The following CDYL2 variants were observed in gnomAD, a reference collection of about 807,000 sequenced individuals.
CDYL2 encodes the protein chromodomain Y like 2, also known as chromodomain Y-like protein 2.
CDYL2 carries 23 observed loss-of-function variants against 49.4 expected under a neutral mutation model. That is an observed-to-expected ratio of 0.47 (90% CI 0.34 to 0.66). The LOEUF is 0.66. Ranked by LOEUF, CDYL2 falls within the 30% of genes least tolerant of loss-of-function variation. CDYL2 has a pLI of 0.01. For synonymous variants in CDYL2, 360 were observed against 268.8 expected, an observed-to-expected ratio of 1.34 and a Z score of -3.32; for missense variants, 678 against 656.4, an observed-to-expected ratio of 1.03 and a Z score of -0.36.
intron 2 of CDYL2, among the ~76,000 whole-genome samples, chr16:80,674,435 TAA>T: frequency 1.3e-5 from 2 of 152,150 alleles, no homozygotes; most frequent in Non-Finnish European, 2.9e-5. Flanking sequence ...TCCTTTTTTT[TAA>T]AACAAAAACA....
At chr16:80,649,678 A>T (rs1908502379) in intron 2 of CDYL2, among the ~76,000 whole-genome samples, 1 of 152,192 alleles carries the variant, frequency 6.6e-6, no homozygotes, top group African/African-American at 2.4e-5. Context: ...AGCAAAAAGA[A>T]CAAAATTGCA....
rs1371020777 is a variant in CDYL2 at position 80,795,467 on chromosome 16, G to A, written c.24+8683C>T. ...TTTATAAAGTCCTGGTCAATGAATG[G>A]ACCTTTCACTGGAGTGGTGTGACCT... On this transcript the variant is annotated intron_variant, in intron 1 of 6. Coordinates refer to ENST00000570137, the MANE Select transcript of CDYL2 (RefSeq NM_152342.4). 2.6e-5 allele frequency among the ~76,000 whole-genome samples: 4 copies of A among 152,300 alleles called. No homozygotes were observed. In the East Asian group the frequency reaches 7.7e-4, roughly 29 times the overall value.
At chr16:80,772,854 T>C (rs1271880941) in intron 1 of CDYL2, among the ~76,000 whole-genome samples, 3 of 152,140 alleles carry the variant, frequency 2.0e-5, no homozygotes, top group Non-Finnish European at 2.9e-5. Context: ...TGGAATAATG[T>C]TCTCAGTCAA....
chr16:80,618,200 A>T (rs1428721888), intron 4 of CDYL2, among the ~76,000 whole-genome samples: 3 of 152,242 alleles, frequency 2.0e-5, no homozygotes, highest in African/African-American at 7.2e-5. Context: ...CTGAGATGGC[A>T]AATGTCTGAA....
intron 1 of CDYL2, among the ~76,000 whole-genome samples, chr16:80,763,791 T>G (rs1906621309): frequency 6.6e-6 from 1 of 152,200 alleles, no homozygotes; most frequent in African/African-American, 2.4e-5. Flanking sequence ...GCATTAACAC[T>G]AGGTACTGCT....
chr16:80,673,608 C>T (rs1370218839), intron 2 of CDYL2, among the ~76,000 whole-genome samples: 2 of 152,130 alleles, frequency 1.3e-5, no homozygotes, highest in Non-Finnish European at 2.9e-5. Flanking sequence ...TTCCTTGTTA[C>T]CAGCAGGTTT....
intron 1 of CDYL2, among the ~76,000 whole-genome samples, chr16:80,712,081 ATGTG>A (rs1444827245): frequency 6.8e-6 from 1 of 147,366 alleles, no homozygotes; most frequent in African/African-American, 2.6e-5. Context: ...GTGTATATAG[ATGTG>A]TGTGTATATA....
intron 2 of CDYL2, among the ~76,000 whole-genome samples, chr16:80,640,220 C>G (rs1408312873): frequency 6.6e-6 from 1 of 152,148 alleles, no homozygotes; most frequent in East Asian, 1.9e-4. Flanking sequence ...CTCCTTTCCA[C>G]TTGAGGAGAG....
At chr16:80,643,820 A>G (rs1324662081) in intron 2 of CDYL2, among the ~76,000 whole-genome samples, 2 of 151,958 alleles carry the variant, frequency 1.3e-5, no homozygotes, top group Non-Finnish European at 2.9e-5. Context: ...CTACAAAACC[A>G]TTTTCCCCTA....
intron 3 of CDYL2, among the ~76,000 whole-genome samples, chr16:80,625,031 G>T (rs1290158249): frequency 6.6e-6 from 1 of 152,178 alleles, no homozygotes. Flanking sequence ...AAGAGATAAA[G>T]GATGAGAATT....
chr16:80,633,001 C>G lies in CDYL2; in HGVS notation c.834+18G>C, dbSNP rs1387081115. The G allele has an allele frequency of 6.2e-7, 1 of 1,609,780 alleles. No homozygotes were observed. The highest frequency in any genetic ancestry group is 8.5e-7 in the Non-Finnish European group (1 of 1,176,374). On this transcript the variant is annotated intron_variant, in intron 3 of 6. Coordinates refer to ENST00000570137, the MANE Select transcript of CDYL2 (RefSeq NM_152342.4). The stretch of plus-strand genomic sequence containing the variant: ...GCCACAGCCCAGCTTGCCCTTCCCT[C>G]TGGCCGCCACCCCTTACCTCAGGTG...
At chr16:80,763,566 C>T (rs982031431) in intron 1 of CDYL2, among the ~76,000 whole-genome samples, 18 of 151,968 alleles carry the variant, frequency 1.2e-4, no homozygotes, top group Admixed American at 7.9e-4. Flanking sequence ...GAACCAAGAT[C>T]GTGCCACTGC....
intron 1 of CDYL2, among the ~76,000 whole-genome samples, chr16:80,790,291 A>G (rs1907569401): frequency 1.3e-5 from 2 of 151,810 alleles, no homozygotes; most frequent in African/African-American, 2.4e-5. Context: ...AGGGGGTGGT[A>G]ATAAAATAAA....
At chr16:80,699,576 AG>A (rs1904290532) in intron 1 of CDYL2, among the ~76,000 whole-genome samples, 1 of 152,220 alleles carries the variant, frequency 6.6e-6, no homozygotes, top group African/African-American at 2.4e-5. Flanking sequence ...GCTAAACAGA[AG>A]GATTAAGTTT....
intron 3 of CDYL2, among the ~76,000 whole-genome samples, chr16:80,628,981 G>T (rs1280758634): frequency 6.6e-6 from 1 of 152,148 alleles, no homozygotes; most frequent in East Asian, 1.9e-4. Context: ...AGGAAGAAAG[G>T]CCCGTTCCAG....
Position 80,647,032 on chromosome 16 carries a change from C to T in CDYL2, c.617-13796G>A, listed in dbSNP as rs532535968. ...GAGGGTCATTATATAATGATAAATA[C>T]ACAAAAATCAATAGCATTTCTATAT... On this transcript the variant is annotated intron_variant, in intron 2 of 6. Coordinates refer to ENST00000570137, the MANE Select transcript of CDYL2 (RefSeq NM_152342.4). 7.9e-5 allele frequency among the ~76,000 whole-genome samples: 12 copies of T among 152,032 alleles called. No individual in the cohort carries two copies. The East Asian group carries it at 2.3e-3, about 29-fold the overall frequency.
intron 1 of CDYL2, among the ~76,000 whole-genome samples, chr16:80,757,867 T>C (rs1567596959): frequency 6.6e-6 from 1 of 152,258 alleles, no homozygotes; most frequent in Non-Finnish European, 1.5e-5. Flanking sequence ...TTTCCAAGTC[T>C]ACTAATAAAT....
intron 2 of CDYL2, among the ~76,000 whole-genome samples, chr16:80,659,176 T>G (rs1056398222): frequency 6.6e-6 from 1 of 152,174 alleles, no homozygotes; most frequent in Admixed American, 6.5e-5. Context: ...GTTCAGTGCA[T>G]AAGCTAAATC....
At chr16:80,720,113 G>C (rs536518125) in intron 1 of CDYL2, among the ~76,000 whole-genome samples, 1 of 152,084 alleles carries the variant, frequency 6.6e-6, no homozygotes, top group South Asian at 2.1e-4. Flanking sequence ...ATGAAACTGG[G>C]AACATAAGAA....
Sources: gnomAD v4.1 joint callset for allele counts (sites outside exome capture counted in the v4.1 genomes callset) on GRCh38, gnomAD v4.1.1 for gene constraint, MANE v1.5 for transcripts, NCBI Gene and HGNC (gene_info 2026-07-23, HGNC 2026-07-21) for gene names.